Variants in SLC41A2 observed in about 807,000 individuals in gnomAD.
SLC41A2 encodes the protein SLC41A1-like 1.
Under a neutral mutation model 58.3 loss-of-function variants are expected in SLC41A2, and 32 were observed. The ratio of observed to expected loss-of-function variants is 0.55; its 90% CI spans 0.41 to 0.74. The LOEUF is 0.74. Among genes scored for constraint, SLC41A2 ranks in the 30% least tolerant of loss-of-function variants. SLC41A2 has a pLI of 0.00. For synonymous variants in SLC41A2, 190 were observed against 235.0 expected, an observed-to-expected ratio of 0.81 and a Z score of 1.75; for missense variants, 514 against 680.6, an observed-to-expected ratio of 0.76 and a Z score of 2.72.
intron 8 of SLC41A2, among the ~76,000 whole-genome samples, chr12:104,856,240 A>C (rs2043016282): frequency 6.6e-6 from 1 of 152,222 alleles, no homozygotes; most frequent in Non-Finnish European, 1.5e-5. Context: ...GACAGGTAGA[A>C]AGAAGGAACC....
intron 10 of SLC41A2, among the ~76,000 whole-genome samples, chr12:104,806,427 GT>G (rs1217499924): frequency 6.6e-6 from 1 of 152,100 alleles, no homozygotes; most frequent in East Asian, 1.9e-4. Context: ...GTATTCCATG[GT>G]GTATATGTGC....
intron 10 of SLC41A2, among the ~76,000 whole-genome samples, chr12:104,841,908 T>C (rs2042424009): frequency 6.6e-6 from 1 of 152,126 alleles, no homozygotes; most frequent in Admixed American, 6.5e-5. Context: ...CTCAAGAAGG[T>C]AGGAATGTAG....
At chr12:104,835,547 T>C (rs948015114) in intron 10 of SLC41A2, among the ~76,000 whole-genome samples, 10 of 152,182 alleles carry the variant, frequency 6.6e-5, no homozygotes, top group South Asian at 2.1e-4. Flanking sequence ...ACAAAGCAAA[T>C]TGTTATCCAC....
intron 1 of SLC41A2, among the ~76,000 whole-genome samples, chr12:104,936,345 G>A (rs983025168): frequency 3.3e-5 from 5 of 152,212 alleles, no homozygotes; most frequent in Admixed American, 2.0e-4. Flanking sequence ...GGCAAGATGT[G>A]AAGGTGGAAG....
At chr12:104,915,504 C>T (rs892661848) in intron 2 of SLC41A2, among the ~76,000 whole-genome samples, 10 of 152,056 alleles carry the variant, frequency 6.6e-5, no homozygotes, top group Non-Finnish European at 1.3e-4. Flanking sequence ...AAGTTAGATT[C>T]CTAGGTATTT....
chr12:104,905,747 C>T (rs1486179123), intron 3 of SLC41A2, among the ~76,000 whole-genome samples: 2 of 152,272 alleles, frequency 1.3e-5, no homozygotes, highest in Non-Finnish European at 2.9e-5. Context: ...TCCGCAGCCA[C>T]TGGCCCGGGT....
At chr12:104,917,525 T>G (rs1387843519) in intron 2 of SLC41A2, among the ~76,000 whole-genome samples, 1 of 151,812 alleles carries the variant, frequency 6.6e-6, no homozygotes, top group Admixed American at 6.6e-5. Context: ...CACATGCACA[T>G]GTATGTTTAT....
At chr12:104,878,029 A>AATTC (rs2044141764) in intron 6 of SLC41A2, among the ~76,000 whole-genome samples, 1 of 151,878 alleles carries the variant, frequency 6.6e-6, no homozygotes, top group East Asian at 1.9e-4. Context: ...TTAATTAATT[A>AATTC]ATTAATTAAA....
intron 6 of SLC41A2, among the ~76,000 whole-genome samples, chr12:104,872,460 G>A (rs1299341092): frequency 6.6e-6 from 1 of 152,194 alleles, no homozygotes; most frequent in African/African-American, 2.4e-5. Context: ...TTAGCTGGGT[G>A]TGGTGGCTCA....
chr12:104,827,393 G>T lies in SLC41A2; in HGVS notation c.1536+17079C>A, dbSNP rs148605680. Among the ~76,000 whole-genome samples the T allele has an allele frequency of 3.1e-3, 469 of 152,278 alleles. 3 individuals carry two copies. Among genetic ancestry groups the T allele is most frequent in the Admixed American group, 8.0e-3 (122 of 15,298 alleles). The stretch of plus-strand genomic sequence containing the variant: ...AGAAAGAAGCTTTAATGGCCCCCAG[G>T]CAAGCCTACAAACCCTAGAATTCCC... On this transcript the variant is annotated intron_variant, in intron 10 of 10. Coordinates refer to ENST00000258538, the MANE Select transcript of SLC41A2 (RefSeq NM_001352171.3).
intron 1 of SLC41A2, among the ~76,000 whole-genome samples, chr12:104,944,931 G>A (rs1020290931): frequency 7.9e-5 from 12 of 151,596 alleles, no homozygotes; most frequent in African/African-American, 2.7e-4. Flanking sequence ...AGCACTTTGG[G>A]AGGCCAAAGT....
chr12:104,831,314 C>T (rs1283905853), intron 10 of SLC41A2, among the ~76,000 whole-genome samples: 2 of 152,142 alleles, frequency 1.3e-5, no homozygotes, highest in Non-Finnish European at 2.9e-5. Context: ...AAGCCTCAGG[C>T]GATTCTCCCA....
intron 10 of SLC41A2, among the ~76,000 whole-genome samples, chr12:104,820,600 T>A (rs1209029497): frequency 6.6e-6 from 1 of 152,218 alleles, no homozygotes; most frequent in East Asian, 1.9e-4. Context: ...ATTTACGTAC[T>A]TGACATTTAA....
chr12:104,839,435 TAG>T (rs1429974502), intron 10 of SLC41A2, among the ~76,000 whole-genome samples: 1 of 152,042 alleles, frequency 6.6e-6, no homozygotes, highest in Non-Finnish European at 1.5e-5. Context: ...TGAATAGTAA[TAG>T]ACTTATTTAC....
chr12:104,920,152 G>A (rs552546070), intron 2 of SLC41A2, among the ~76,000 whole-genome samples: 126 of 152,240 alleles, frequency 8.3e-4, no homozygotes, highest in Middle Eastern at 3.4e-3. Context: ...TCTCTAGGTT[G>A]TCCATTCTGT....
intron 7 of SLC41A2, among the ~76,000 whole-genome samples, chr12:104,864,283 G>A (rs553269757): frequency 6.6e-6 from 1 of 152,224 alleles, no homozygotes; most frequent in South Asian, 2.1e-4. Context: ...ATACAAAGGG[G>A]TAGAGGGGCA....
At chr12:104,936,018 G>A (rs1016110938) in intron 1 of SLC41A2, among the ~76,000 whole-genome samples, 29 of 150,426 alleles carry the variant, frequency 1.9e-4, no homozygotes, top group Non-Finnish European at 1.9e-4. Flanking sequence ...ACTCCAGCCT[G>A]GGCAACAGAG....
chr12:104,857,122 G>A (rs1002571907), intron 8 of SLC41A2, among the ~76,000 whole-genome samples: 1 of 152,176 alleles, frequency 6.6e-6, no homozygotes, highest in African/African-American at 2.4e-5. Flanking sequence ...ACATAAGAAA[G>A]AGGAGTGGTA....
intron 10 of SLC41A2, among the ~76,000 whole-genome samples, chr12:104,811,822 C>T (rs1019297839): frequency 6.6e-6 from 1 of 152,184 alleles, no homozygotes; most frequent in Non-Finnish European, 1.5e-5. Context: ...GTAGAATCCA[C>T]GAAAGGTTTG....
Sources: allele counts gnomAD v4.1 joint callset (sites outside exome capture counted in the v4.1 genomes callset), GRCh38; gene constraint gnomAD v4.1.1; transcripts MANE v1.5; gene names NCBI Gene and HGNC (gene_info 2026-07-23, HGNC 2026-07-21).